SLC14A2: variants seen among roughly 807,000 people sequenced by gnomAD.
SLC14A2 encodes the protein solute carrier family 14 member 2, also known as urea transporter 2.
SLC14A2 carries 91 observed loss-of-function variants against 104.6 expected under a neutral mutation model. That is an observed-to-expected ratio of 0.87 (90% CI 0.73 to 1.04). The LOEUF is 1.04. Ranked by LOEUF, SLC14A2 falls within the 50% of genes least tolerant of loss-of-function variation. The pLI, the probability that SLC14A2 is intolerant of heterozygous loss-of-function variation, is 0.00. For synonymous variants in SLC14A2, 476 were observed against 466.4 expected (o/e 1.02, Z -0.27); for missense variants, 1,189 against 1,156.0 (o/e 1.03, Z -0.41).
chr18:45,646,775 G>C (rs1277084235), intron 10 of SLC14A2: 1 of 151,972 alleles, frequency 6.6e-6, no homozygotes, highest in Admixed American at 6.6e-5. Context: ...CTGCTGAATG[G>C]GTAGGTAAAA....
intron 5 of SLC14A2, chr18:45,634,954 G>C: frequency 8.9e-6 from 4 of 448,022 alleles, no homozygotes; most frequent in Non-Finnish European, 1.8e-5. Context: ...AACATGGTAA[G>C]AAGTGAGTGG....
intron 1 of SLC14A2, among the ~76,000 whole-genome samples, chr18:45,321,832 G>C (rs1372490848): frequency 6.6e-6 from 1 of 152,202 alleles, no homozygotes; most frequent in African/African-American, 2.4e-5. Flanking sequence ...GGCTCCTAAA[G>C]GGCACCAGTC....
chr18:45,327,732 C>T (rs183526764), intron 1 of SLC14A2, among the ~76,000 whole-genome samples: 81 of 152,194 alleles, frequency 5.3e-4, no homozygotes, highest in South Asian at 2.9e-3. Flanking sequence ...TTTTTGAGGC[C>T]GAAAACATTT....
intron 2 of SLC14A2, among the ~76,000 whole-genome samples, chr18:45,551,365 T>C (rs1359614162): frequency 6.6e-6 from 1 of 152,118 alleles, no homozygotes; most frequent in Non-Finnish European, 1.5e-5. Flanking sequence ...TGAAAACCTT[T>C]TAAGGAAAAG....
chr18:45,443,347 G>C (rs899841388), intron 1 of SLC14A2, among the ~76,000 whole-genome samples: 3 of 152,206 alleles, frequency 2.0e-5, no homozygotes, highest in Non-Finnish European at 2.9e-5. Flanking sequence ...GGATAACTAT[G>C]TAGAAATACA....
At chr18:45,604,929 A>T (rs1471937605) in intron 2 of SLC14A2, among the ~76,000 whole-genome samples, 1 of 152,168 alleles carries the variant, frequency 6.6e-6, no homozygotes, top group Non-Finnish European at 1.5e-5. Context: ...CAATAGCCCT[A>T]CCATTTTTGT....
At chr18:45,454,012 AC>A (rs2086900522) in intron 1 of SLC14A2, among the ~76,000 whole-genome samples, 1 of 151,932 alleles carries the variant, frequency 6.6e-6, no homozygotes, top group Non-Finnish European at 1.5e-5. Context: ...GGCGCATGCC[AC>A]CAGGCCCAGC....
chr18:45,341,174 C>A (rs537471966), intron 1 of SLC14A2, among the ~76,000 whole-genome samples: 1 of 151,084 alleles, frequency 6.6e-6, no homozygotes, highest in East Asian at 1.9e-4. Flanking sequence ...TTTCTGAACA[C>A]GTATTTATTA....
chr18:45,678,953 T>TC (rs761193702), intron 18 of SLC14A2, 22 bp from the exon 19 acceptor site: 13 of 1,496,622 alleles, frequency 8.7e-6, no homozygotes, highest in Non-Finnish European at 1.1e-5. Context: ...TCTATTTCTT[T>TC]CTTTTTTTTT....
intron 2 of SLC14A2, among the ~76,000 whole-genome samples, chr18:45,552,668 G>C (rs1033215136): frequency 1.3e-5 from 2 of 152,208 alleles, no homozygotes; most frequent in Non-Finnish European, 2.9e-5. Flanking sequence ...GCAGTGGTTA[G>C]ACAAAGAGGA....
chr18:45,411,449 G>A (rs751800893), intron 1 of SLC14A2, among the ~76,000 whole-genome samples: 3 of 152,174 alleles, frequency 2.0e-5, no homozygotes, highest in Non-Finnish European at 4.4e-5. Flanking sequence ...CAGAAGCACA[G>A]TGAAGGGATA....
chr18:45,521,364 A>G (rs763937047), intron 2 of SLC14A2, among the ~76,000 whole-genome samples: 1 of 152,164 alleles, frequency 6.6e-6, no homozygotes, highest in Non-Finnish European at 1.5e-5. Flanking sequence ...AGAATACATA[A>G]CTCAGAAAGA....
In SLC14A2 at chr18:45,300,191, C is replaced by T. The variant is rs147505446; in HGVS notation, c.-125+87000C>T. On this transcript the variant is annotated intron_variant, in intron 1 of 20. Coordinates refer to the SLC14A2 transcript ENST00000586448. ...TCTGTTCTTCATCACAGTTATCCTT[C>T]TGGTCAGTGTTGAGCCCTCTCTGAG... Among the ~76,000 whole-genome samples, 368 of 152,296 alleles carry T rather than the reference C, an allele frequency of 2.4e-3. 2 individuals carry two copies. The highest frequency in any genetic ancestry group is 8.6e-3 in the African/African-American group (357 of 41,580).
intron 1 of SLC14A2, among the ~76,000 whole-genome samples, chr18:45,349,944 A>C (rs2085485806): frequency 6.6e-6 from 1 of 152,246 alleles, no homozygotes; most frequent in South Asian, 2.1e-4. Flanking sequence ...AAGCATAAGA[A>C]ATCAGAAGTA....
At chr18:45,597,334 A>AAAAAG (rs376352955) in intron 2 of SLC14A2, among the ~76,000 whole-genome samples, 1 of 152,010 alleles carries the variant, frequency 6.6e-6, no homozygotes, top group African/African-American at 2.4e-5. Context: ...TCTCAAAAAA[A>AAAAAG]AAAGAAAGAA....
At chr18:45,309,913 A>G (rs2085061382) in intron 1 of SLC14A2, among the ~76,000 whole-genome samples, 1 of 152,076 alleles carries the variant, frequency 6.6e-6, no homozygotes, top group Admixed American at 6.5e-5. Flanking sequence ...TTATATATAT[A>G]TATATAGCCC....
intron 1 of SLC14A2, among the ~76,000 whole-genome samples, chr18:45,399,573 A>C (rs1262808373): frequency 1.3e-5 from 2 of 152,146 alleles, no homozygotes; most frequent in Admixed American, 6.5e-5. Context: ...AGAACCTGGG[A>C]AATTTCCTGG....
At chr18:45,629,927 G>C (rs944193490) in intron 4 of SLC14A2, among the ~76,000 whole-genome samples, 1 of 152,146 alleles carries the variant, frequency 6.6e-6, no homozygotes, top group African/African-American at 2.4e-5. Context: ...TTTTGCTTCT[G>C]TGATCCCTGA....
intron 1 of SLC14A2, among the ~76,000 whole-genome samples, chr18:45,307,986 A>G (rs769046727): frequency 6.6e-6 from 1 of 152,222 alleles, no homozygotes; most frequent in Non-Finnish European, 1.5e-5. Flanking sequence ...GGTAGCAGAC[A>G]CATCACATGG....
Sources: gnomAD v4.1 joint callset for allele counts (sites outside exome capture counted in the v4.1 genomes callset) on GRCh38, gnomAD v4.1.1 for gene constraint, MANE v1.5 for transcripts, NCBI Gene and HGNC (gene_info 2026-07-23, HGNC 2026-07-21) for gene names.